VPS13A: variants seen among roughly 807,000 people sequenced by gnomAD.
VPS13A encodes the protein intermembrane lipid transfer protein VPS13A.
A neutral mutation model predicts 390.9 loss-of-function variants in VPS13A; 264 were observed. The observed-to-expected ratio is 0.68, with a 90% CI of 0.61 to 0.75. The LOEUF (loss-of-function observed/expected upper bound fraction) is 0.75, where lower values mean the gene tolerates loss of function less well. Among genes scored for constraint, VPS13A ranks in the 30% least tolerant of loss-of-function variants. The pLI is 0.00. For missense variants in VPS13A, 3,409 were observed against 3,733.9 expected (o/e 0.91, Z 2.27); for synonymous variants, 1,231 against 1,227.1 (o/e 1.00, Z -0.07).
chr9:77,313,945 A>G (rs140922728), intron 35 of VPS13A, 47 bp from the exon 36 acceptor site: 712 of 1,570,888 alleles, frequency 4.5e-4, no homozygotes, highest in Middle Eastern at 5.2e-4. Context: ...TTAATGAGCT[A>G]CTTTTCATGA....
rs545196739 is a variant in VPS13A, at chr9:77,332,203, T to C, written c.6095+90T>C. The C allele has an allele frequency of 4.4e-5, 43 of 982,408 alleles. No homozygotes were observed. In the South Asian group the frequency reaches 5.2e-4, roughly 12 times the overall value. 60.9% of individuals were successfully genotyped at this position (982,408 alleles called of 1,614,324 possible). A position where few individuals can be genotyped will look rare whatever the true frequency, so the allele number is the denominator to read the frequency against. On this transcript the variant is annotated intron_variant, in intron 46 of 71. Transcript: ENST00000360280. ...ACATGGATAACTTTGATCAAATCCA[T>C]CCTGCTAATAGCTTATCTAACGTAT...
rs117602930 is a variant in VPS13A, at chr9:77,369,439, C to T, written c.8667+27C>T. ...TAAAATAGTTATTTTTGTGGTTGTG[C>T]AATATGTCACTAATACTTTTGAATA... On this transcript the variant is annotated intron_variant, in intron 63 of 71. Coordinates refer to ENST00000360280, the MANE Select transcript of VPS13A (RefSeq NM_033305.3). The T allele has an allele frequency of 1.1e-3, 1,518 of 1,328,980 alleles. 23 individuals carry two copies. In the East Asian group the frequency reaches 0.02, roughly 17 times the overall value. The allele number at this position is 1,328,980 out of a possible 1,614,324, so 82.3% of individuals were successfully genotyped here. A position where few individuals can be genotyped will look rare whatever the true frequency, so the allele number is the denominator to read the frequency against.
At chr9:77,240,772 T>C (rs1005912954) in intron 19 of VPS13A, among the ~76,000 whole-genome samples, 1 of 152,028 alleles carries the variant, frequency 6.6e-6, no homozygotes, top group Non-Finnish European at 1.5e-5. Flanking sequence ...CCATGCCCGT[T>C]GCATATTAGC....
Position 77,220,388 on chromosome 9 carries a change from A to G in VPS13A, c.989+5A>G, listed in dbSNP as rs1269510437. 1 of 1,578,984 alleles carries G rather than the reference A, an allele frequency of 6.3e-7. No individual in the cohort carries two copies. Among genetic ancestry groups the G allele is most frequent in the Non-Finnish European group, 8.6e-7 (1 of 1,156,402 alleles). ...TCACCACCATGCCAGAGAATGGTAA[A>G]TGCCTTGATTTTTTTTTTTTTTTAG... is the stretch of plus-strand genomic sequence containing the variant. On this transcript the variant is annotated splice_donor_5th_base_variant and intron_variant, in intron 12 of 71. Coordinates refer to ENST00000360280, the MANE Select transcript of VPS13A (RefSeq NM_033305.3).
chr9:77,222,261 T>C (rs749378213), intron 13 of VPS13A, among the ~76,000 whole-genome samples: 3 of 152,120 alleles, frequency 2.0e-5, no homozygotes, highest in Non-Finnish European at 4.4e-5. Context: ...TCTTGAATCA[T>C]AACCTGAGTC....
intron 21 of VPS13A, among the ~76,000 whole-genome samples, chr9:77,250,534 T>G (rs574718634): frequency 6.6e-6 from 1 of 152,170 alleles, no homozygotes; most frequent in Non-Finnish European, 1.5e-5. Context: ...TCCCTCATAA[T>G]AAATATCAGT....
chr9:77,410,325 C>G (rs1307292658), intron 71 of VPS13A, among the ~76,000 whole-genome samples: 1 of 152,180 alleles, frequency 6.6e-6, no homozygotes, highest in South Asian at 2.1e-4. Flanking sequence ...CAACCGGTAC[C>G]AGCCACTGCA....
Position 77,365,500 on chromosome 9 carries a change from A to G in VPS13A, c.8252A>G (p.Glu2751Gly). The stretch of plus-strand genomic sequence containing the variant: ...AAAGATATAGAAGCTTTCAAAGAAG[A>G]ATATAAAACAGCCTCATTAGTAGAT... Reference protein sequence around the residue: ...FHKDIEAFKEEYKTASLVDQS... With the variant: ...FHKDIEAFKEGYKTASLVDQS... The change falls in exon 60 of 72, where the codon GAA (glutamate) becomes GGA (glycine). Residue 2751 changes from glutamate to glycine, a missense_variant. Glu to Gly is a moderately conservative substitution (Grantham distance 98). Transcript: ENST00000360280. 6.2e-7 allele frequency: 1 copy of G among 1,612,232 alleles called. No homozygotes were observed. Among genetic ancestry groups the G allele is most frequent in the East Asian group, 2.2e-5 (1 of 44,694 alleles).
chr9:77,326,047 G>A (rs1358161951), intron 45 of VPS13A, among the ~76,000 whole-genome samples: 5 of 152,046 alleles, frequency 3.3e-5, no homozygotes, highest in African/African-American at 1.2e-4. Context: ...GATTGGCAGG[G>A]TTTTTCCCCC....
intron 3 of VPS13A, among the ~76,000 whole-genome samples, 172 bp downstream of exon 3, chr9:77,201,579 A>G (rs1295245264): frequency 6.6e-6 from 1 of 152,180 alleles, no homozygotes; most frequent in Non-Finnish European, 1.5e-5. Flanking sequence ...ATTGTCCGAT[A>G]CATATATCCC....
intron 68 of VPS13A, chr9:77,390,285 T>G: frequency 2.1e-5 from 4 of 192,424 alleles, no homozygotes; most frequent in Non-Finnish European, 3.8e-5. Context: ...TTAGAATTCT[T>G]AGCATCTCAA....
chr9:77,290,007 TTTGACCTCAGGTGATTCA>T (rs988591538), intron 31 of VPS13A, among the ~76,000 whole-genome samples: 2 of 152,066 alleles, frequency 1.3e-5, no homozygotes, highest in African/African-American at 4.8e-5. Context: ...TCTTGAACTC[TTTGACCTCAGGTGATTCA>T]CCCACCTAGG....
chr9:77,397,854 C>G (rs1369111558), intron 68 of VPS13A, among the ~76,000 whole-genome samples: 1 of 152,028 alleles, frequency 6.6e-6, no homozygotes, highest in Non-Finnish European at 1.5e-5. Context: ...TTTAGTAATT[C>G]TTAAACTATG....
At chr9:77,203,228 G>A (rs1457851331) in intron 3 of VPS13A, among the ~76,000 whole-genome samples, 1 of 151,968 alleles carries the variant, frequency 6.6e-6, no homozygotes, top group Non-Finnish European at 1.5e-5. Flanking sequence ...GTATTTTTTT[G>A]AAATTTGCCA....
At chr9:77,326,126 T>C (rs1023755079) in intron 45 of VPS13A, among the ~76,000 whole-genome samples, 8 of 152,208 alleles carry the variant, frequency 5.3e-5, no homozygotes, top group Non-Finnish European at 8.8e-5. Context: ...CTGCTTTTTT[T>C]CCTATATTTG....
At chr9:77,413,294 G>A (rs971198949) in intron 71 of VPS13A, among the ~76,000 whole-genome samples, 47 of 152,174 alleles carry the variant, frequency 3.1e-4, no homozygotes, top group African/African-American at 1.0e-3. Context: ...TCAATCCTAA[G>A]CCAAAAGAAC....
rs773204923 is a variant in VPS13A at position 77,258,390 on chromosome 9, A to G, written c.2289-1696A>G. On this transcript the variant is annotated intron_variant, in intron 22 of 71. Coordinates refer to ENST00000360280, the MANE Select transcript of VPS13A (RefSeq NM_033305.3). ...GGTACATGGGGTGGACATTGTTTTT[A>G]ATACTTATTATACTTAACATGTAAA... 6.7e-4 allele frequency among the ~76,000 whole-genome samples: 102 copies of G among 152,152 alleles called. 1 individual carries two copies. The highest frequency in any genetic ancestry group is 9.6e-4 in the Non-Finnish European group (65 of 68,026).
At chr9:77,400,987 T>TA (rs1834364916) in intron 68 of VPS13A, among the ~76,000 whole-genome samples, 1 of 152,188 alleles carries the variant, frequency 6.6e-6, no homozygotes, top group African/African-American at 2.4e-5. Flanking sequence ...TATTTGATAA[T>TA]ACATGTGTTT....
chr9:77,250,301 G>C, intron 21 of VPS13A, 72 bp downstream of exon 21: 2 of 1,529,328 alleles, frequency 1.3e-6, no homozygotes, highest in Non-Finnish European at 1.8e-6. Flanking sequence ...ACACTTTGAA[G>C]ACCTTCCTCT....
Sources: allele counts gnomAD v4.1 joint callset (sites outside exome capture counted in the v4.1 genomes callset), GRCh38; gene constraint gnomAD v4.1.1; transcripts MANE v1.5; gene names NCBI Gene and HGNC (gene_info 2026-07-23, HGNC 2026-07-21).